ARHGEF9: variants seen among roughly 807,000 people sequenced by gnomAD.
ARHGEF9 encodes the protein Cdc42 guanine nucleotide exchange factor 9.
In ARHGEF9, 2 loss-of-function variants were observed where a neutral mutation model predicts 41.3. That is an observed-to-expected ratio of 0.05 (90% CI 0.02 to 0.15). The LOEUF (loss-of-function observed/expected upper bound fraction) is 0.15, where lower values mean the gene tolerates loss of function less well. Ranked by LOEUF, ARHGEF9 falls within the 10% of genes least tolerant of loss-of-function variation. The pLI, the probability that ARHGEF9 is intolerant of heterozygous loss-of-function variation, is 1.00. For missense variants in ARHGEF9, 225 were observed against 424.7 expected (o/e 0.53, Z 4.13); for synonymous variants, 160 against 154.4 (o/e 1.04, Z -0.27).
chrX:63,669,862 T>C (rs782472056), intron 6 of ARHGEF9, among the ~76,000 whole-genome samples: 2 of 112,120 alleles, frequency 1.8e-5, no homozygotes, highest in Admixed American at 9.5e-5. Context: ...TATAAATCAA[T>C]GAGAGTGGAA....
At chrX:63,770,677 C>T (rs782410954) in intron 1 of ARHGEF9, among the ~76,000 whole-genome samples, 14 of 111,854 alleles carry the variant, frequency 1.3e-4, no homozygotes, top group Non-Finnish European at 2.6e-4. Context: ...ACTTGTTCAA[C>T]GGTGGGGCCA....
intron 4 of ARHGEF9, among the ~76,000 whole-genome samples, chrX:63,682,749 T>C (rs1244396398): frequency 8.9e-6 from 1 of 112,028 alleles, no homozygotes; most frequent in Non-Finnish European, 1.9e-5. Flanking sequence ...GTTATTTCAA[T>C]AGATGTGGAA....
At chrX:63,664,074 C>A (rs1171191856) in intron 7 of ARHGEF9, among the ~76,000 whole-genome samples, 2 of 111,958 alleles carry the variant, frequency 1.8e-5, no homozygotes, top group African/African-American at 3.2e-5. Flanking sequence ...CTTGTTTTCA[C>A]CATCCCTGTT....
At chrX:63,661,765 T>G (rs1255205354) in intron 7 of ARHGEF9, among the ~76,000 whole-genome samples, 1 of 111,085 alleles carries the variant, frequency 9.0e-6, no homozygotes, top group African/African-American at 3.3e-5. Flanking sequence ...CTTTTCTCTC[T>G]CTCTCTCTCT....
At chrX:63,682,988 C>A (rs1343523946) in intron 4 of ARHGEF9, among the ~76,000 whole-genome samples, 1 of 110,336 alleles carries the variant, frequency 9.1e-6, no homozygotes, top group Non-Finnish European at 1.9e-5. Flanking sequence ...CTAACCATGG[C>A]AATCAGATAA....
chrX:63,778,248 G>T (rs1390768035), intron 1 of ARHGEF9, among the ~76,000 whole-genome samples: 2 of 112,403 alleles, frequency 1.8e-5, no homozygotes, highest in African/African-American at 6.5e-5. Flanking sequence ...GCCACGGCTT[G>T]GGGCTTGTAC....
At chrX:63,681,906 T>C (rs1269588670) in intron 4 of ARHGEF9, among the ~76,000 whole-genome samples, 2 of 110,701 alleles carry the variant, frequency 1.8e-5, no homozygotes, top group Admixed American at 9.6e-5. Context: ...AACAATTATA[T>C]GACAACAACT....
Position 63,711,239 on chromosome X carries a change from T to A in ARHGEF9, c.211-4790A>T, listed in dbSNP as rs2052911179. On this transcript the variant is annotated intron_variant, in intron 2 of 9. Coordinates refer to ENST00000671741, the MANE Select transcript of ARHGEF9 (RefSeq NM_001353921.2). ...GCTAATATAGCAATACTCCTCAGAT[T>A]AATTCAGATTCAACGCAATACCTAT... Among the ~76,000 whole-genome samples the A allele has an allele frequency of 2.7e-5, 3 of 111,953 alleles. No homozygotes were observed. In the South Asian group the frequency reaches 1.1e-3, roughly 41 times the overall value.
At chrX:63,760,798 GT>G (rs1174822586) in intron 1 of ARHGEF9, among the ~76,000 whole-genome samples, 1 of 111,146 alleles carries the variant, frequency 9.0e-6, no homozygotes, top group Non-Finnish European at 1.9e-5. Context: ...ATCCCTAGAA[GT>G]TTGAGAAGAA....
intron 4 of ARHGEF9, among the ~76,000 whole-genome samples, chrX:63,685,535 T>C (rs782324257): frequency 9.0e-5 from 10 of 111,595 alleles, no homozygotes; most frequent in Non-Finnish European, 1.7e-4. Flanking sequence ...AAGAACTAAG[T>C]TGGAGGAGTT....
chrX:63,752,915 G>GA (rs1240179073), intron 1 of ARHGEF9, among the ~76,000 whole-genome samples: 2 of 112,157 alleles, frequency 1.8e-5, no homozygotes, highest in Middle Eastern at 4.6e-3. Context: ...CATGTGTGTA[G>GA]ATGTGTATGT....
intron 5 of ARHGEF9, among the ~76,000 whole-genome samples, chrX:63,678,102 G>C (rs1465614771): frequency 9.0e-6 from 1 of 111,312 alleles, no homozygotes; most frequent in African/African-American, 3.3e-5. Flanking sequence ...GCCCTAGGCA[G>C]ATTTCAGATT....
At chrX:63,676,656 G>A (rs1556362572) in intron 5 of ARHGEF9, among the ~76,000 whole-genome samples, 2 of 111,870 alleles carry the variant, frequency 1.8e-5, no homozygotes, top group Non-Finnish European at 3.8e-5. Flanking sequence ...GCTAACATAA[G>A]TAAGTGCTCC....
chrX:63,692,311 G>A lies in ARHGEF9; in HGVS notation c.582+4814C>T, dbSNP rs1346430764. On this transcript the variant is annotated intron_variant, in intron 4 of 9. Transcript: ENST00000671741. ...GAAAATATCTGCAAACTATCCATCTGACAAAACATTAATAGCCAAAATATG... is the reference window on the plus strand; with the variant it reads ...GAAAATATCTGCAAACTATCCATCTAACAAAACATTAATAGCCAAAATATG... 8.0e-5 allele frequency among the ~76,000 whole-genome samples: 9 copies of A among 112,042 alleles called. No homozygotes were observed. The East Asian group carries it at 8.4e-4, about 10-fold the overall frequency.
At chrX:63,758,477 C>T (rs782503646) in intron 1 of ARHGEF9, among the ~76,000 whole-genome samples, 5 of 112,831 alleles carry the variant, frequency 4.4e-5, no homozygotes, top group Middle Eastern at 4.6e-3. Context: ...AGCTCCTCGG[C>T]GCATTTAAGG....
chrX:63,664,104 C>T (rs1253102886), intron 7 of ARHGEF9, among the ~76,000 whole-genome samples: 1 of 112,403 alleles, frequency 8.9e-6, no homozygotes, highest in Non-Finnish European at 1.9e-5. Flanking sequence ...CCCTACCCTG[C>T]CAGCTTAGCT....
At chrX:63,663,651 G>A (rs1415900544) in intron 7 of ARHGEF9, among the ~76,000 whole-genome samples, 1 of 111,326 alleles carries the variant, frequency 9.0e-6, no homozygotes, top group Non-Finnish European at 1.9e-5. Flanking sequence ...CACCTCCAGA[G>A]AGCCTAGTCC....
At chrX:63,770,810 T>C (rs781974139) in intron 1 of ARHGEF9, among the ~76,000 whole-genome samples, 14 of 112,323 alleles carry the variant, frequency 1.2e-4, no homozygotes, top group Admixed American at 3.8e-4. Flanking sequence ...ACATTCTCTT[T>C]GCCTGCTGCC....
chrX:63,689,328 C>T (rs1207331531), intron 4 of ARHGEF9, among the ~76,000 whole-genome samples: 1 of 111,696 alleles, frequency 9.0e-6, no homozygotes, highest in African/African-American at 3.3e-5. Context: ...ATAGAAACCA[C>T]AAAAGAGCAG....
Sources: gnomAD v4.1 joint callset for allele counts (sites outside exome capture counted in the v4.1 genomes callset) on GRCh38, gnomAD v4.1.1 for gene constraint, MANE v1.5 for transcripts, NCBI Gene and HGNC (gene_info 2026-07-23, HGNC 2026-07-21) for gene names.